SH3RF1: variants seen among roughly 807,000 people sequenced by gnomAD.
SH3RF1 encodes the protein SH3 domain containing ring finger 1, also known as E3 ubiquitin-protein ligase SH3RF1.
A neutral mutation model predicts 74.0 loss-of-function variants in SH3RF1; 32 were observed. The ratio of observed to expected loss-of-function variants is 0.43; its 90% CI spans 0.33 to 0.58. SH3RF1 has a LOEUF of 0.58. Among genes scored for constraint, SH3RF1 ranks in the 20% least tolerant of loss-of-function variants. The pLI is 0.05. For missense variants in SH3RF1, 954 were observed against 1,130.9 expected (o/e 0.84, Z 2.24); for synonymous variants, 396 against 439.6 (o/e 0.90, Z 1.24).
intron 2 of SH3RF1, among the ~76,000 whole-genome samples, chr4:169,242,797 C>T (rs1296126823): frequency 1.3e-5 from 2 of 152,186 alleles, no homozygotes; most frequent in Non-Finnish European, 2.9e-5. Context: ...ATGCCTTCTG[C>T]CATGTGATGA....
At chr4:169,243,682 G>A (rs183510432) in intron 2 of SH3RF1, among the ~76,000 whole-genome samples, 1 of 152,284 alleles carries the variant, frequency 6.6e-6, no homozygotes. Flanking sequence ...ACAAGGTGAG[G>A]TAATGCCTGA....
intron 2 of SH3RF1, among the ~76,000 whole-genome samples, chr4:169,201,346 TGAA>T (rs1734905531): frequency 1.3e-5 from 2 of 152,154 alleles, no homozygotes. Context: ...GGGAATACTT[TGAA>T]GAAGGGATTA....
In SH3RF1 at chr4:169,222,985, C is replaced by T. The variant is rs907263996; in HGVS notation, c.393+45835G>A. On this transcript the variant is annotated intron_variant, in intron 2 of 11. Coordinates refer to ENST00000284637, the MANE Select transcript of SH3RF1 (RefSeq NM_020870.4). Reference sequence around the variant, plus strand: ...TTATGAGGCACCATGTGGCACCCCTCGTGGTTTGCCCAGCTGCAGCTCTTC... The same window carrying T: ...TTATGAGGCACCATGTGGCACCCCTTGTGGTTTGCCCAGCTGCAGCTCTTC... 7.9e-5 allele frequency among the ~76,000 whole-genome samples: 12 copies of T among 152,294 alleles called. No individual in the cohort carries two copies. In the East Asian group the frequency reaches 1.7e-3, roughly 22 times the overall value.
intron 2 of SH3RF1, among the ~76,000 whole-genome samples, chr4:169,178,272 AT>A (rs1417786118): frequency 3.5e-4 from 21 of 59,198 alleles, no homozygotes; most frequent in African/African-American, 1.1e-3. Flanking sequence ...AAAAAAAAAA[AT>A]TTTTTTTTAA....
At chr4:169,249,367 G>A (rs1731060507) in intron 2 of SH3RF1, among the ~76,000 whole-genome samples, 1 of 152,250 alleles carries the variant, frequency 6.6e-6, no homozygotes, top group Admixed American at 6.5e-5. Flanking sequence ...AGGACACAGT[G>A]TTCCTCCCCT....
chr4:169,240,252 A>C (rs1730886440), intron 2 of SH3RF1, among the ~76,000 whole-genome samples: 1 of 151,740 alleles, frequency 6.6e-6, no homozygotes. Context: ...GCTGGAGTGC[A>C]GTGGTGCAAT....
chr4:169,183,795 A>G (rs1350735508), intron 2 of SH3RF1, among the ~76,000 whole-genome samples: 1 of 152,106 alleles, frequency 6.6e-6, no homozygotes, highest in Non-Finnish European at 1.5e-5. Flanking sequence ...AAACTGGAAA[A>G]AAAAAGTCAA....
At chr4:169,164,348 A>G (rs1734197541) in intron 2 of SH3RF1, among the ~76,000 whole-genome samples, 1 of 152,216 alleles carries the variant, frequency 6.6e-6, no homozygotes. Context: ...GAACACATCT[A>G]AAGGAAAAGC....
chr4:169,096,337 C>G lies in SH3RF1; in HGVS notation c.*182G>C. 1.6e-6 allele frequency: 1 copy of G among 614,648 alleles called. No homozygotes were observed. The highest frequency in any genetic ancestry group is 2.3e-5 in the South Asian group (1 of 43,694). The allele number at this position is 614,648 out of a possible 1,614,324, so 38.1% of individuals were successfully genotyped here. ...ACATCCGAATCCAGACTAACAAAACCCACACAAACATCTTCTTCATTCTGC... is the reference window on the plus strand; with the variant it reads ...ACATCCGAATCCAGACTAACAAAACGCACACAAACATCTTCTTCATTCTGC... On this transcript the variant is annotated 3_prime_UTR_variant, in exon 12 of 12. Transcript: ENST00000284637.
At chr4:169,125,421 T>G (rs1234128445) in intron 6 of SH3RF1, among the ~76,000 whole-genome samples, 2 of 152,148 alleles carry the variant, frequency 1.3e-5, no homozygotes, top group Non-Finnish European at 2.9e-5. Context: ...CTGCTTGCCC[T>G]TTCATGCAAC....
intron 5 of SH3RF1, among the ~76,000 whole-genome samples, chr4:169,131,123 T>C (rs766880348): frequency 6.6e-6 from 1 of 152,214 alleles, no homozygotes; most frequent in African/African-American, 2.4e-5. Flanking sequence ...AGAGGTTAGT[T>C]CCCAGAGGAC....
chr4:169,254,581 C>A (rs1731154709), intron 2 of SH3RF1, among the ~76,000 whole-genome samples: 1 of 152,168 alleles, frequency 6.6e-6, no homozygotes, highest in Non-Finnish European at 1.5e-5. Flanking sequence ...AAACTAACCA[C>A]TCGAGAGATG....
At chr4:169,251,250 G>A (rs982881231) in intron 2 of SH3RF1, among the ~76,000 whole-genome samples, 1 of 152,210 alleles carries the variant, frequency 6.6e-6, no homozygotes, top group Non-Finnish European at 1.5e-5. Context: ...GTTTTACAGG[G>A]AGGGTGGAAG....
At chr4:169,119,155 G>A (rs949305943) in intron 8 of SH3RF1, among the ~76,000 whole-genome samples, 4 of 151,810 alleles carry the variant, frequency 2.6e-5, no homozygotes, top group African/African-American at 9.7e-5. Context: ...CCAGGCTGGA[G>A]TGCAGTGGCA....
At chr4:169,221,311 T>TA (rs951129539) in intron 2 of SH3RF1, among the ~76,000 whole-genome samples, 153 of 148,558 alleles carry the variant, frequency 1.0e-3, no homozygotes, top group Middle Eastern at 7.1e-3. Context: ...CATCTGAATG[T>TA]AAAAAAAAAA....
At chr4:169,130,304 C>T in intron 5 of SH3RF1, 148 bp from the exon 6 acceptor site, 1 of 603,448 alleles carries the variant, frequency 1.7e-6, no homozygotes, top group East Asian at 3.2e-5. Flanking sequence ...TTAGTCTGCT[C>T]AACCCAAATT....
chr4:169,233,310 T>C (rs1485568613), intron 2 of SH3RF1, among the ~76,000 whole-genome samples: 1 of 151,640 alleles, frequency 6.6e-6, no homozygotes, highest in African/African-American at 2.4e-5. Flanking sequence ...AATGGGATAT[T>C]CTGCTTAATT....
intron 6 of SH3RF1, among the ~76,000 whole-genome samples, chr4:169,128,396 A>G (rs912300891): frequency 2.4e-4 from 36 of 152,382 alleles, no homozygotes; most frequent in African/African-American, 8.7e-4. Flanking sequence ...TACTATCAAG[A>G]AAGTTGTAAC....
intron 2 of SH3RF1, among the ~76,000 whole-genome samples, chr4:169,237,553 A>G (rs1365298377): frequency 5.3e-5 from 8 of 152,226 alleles, no homozygotes; most frequent in African/African-American, 1.2e-4. Flanking sequence ...AGCTGCCTAC[A>G]TTGACCACCA....
Sources: gnomAD v4.1 joint callset for allele counts (sites outside exome capture counted in the v4.1 genomes callset) on GRCh38, gnomAD v4.1.1 for gene constraint, MANE v1.5 for transcripts, NCBI Gene and HGNC (gene_info 2026-07-23, HGNC 2026-07-21) for gene names.